GSE1: variants seen among roughly 807,000 people sequenced by gnomAD.
GSE1 encodes the protein Gse1 coiled-coil protein, also known as genetic suppressor element 1.
GSE1 carries 32 observed loss-of-function variants against 112.6 expected under a neutral mutation model. The ratio of observed to expected loss-of-function variants is 0.28; its 90% confidence interval spans 0.21 to 0.38. The LOEUF is 0.38. GSE1 is among the 10% of genes least tolerant of loss of function. The pLI, the probability that GSE1 is intolerant of heterozygous loss-of-function variation, is 1.00. For missense variants in GSE1, 2,348 were observed against 1,699.2 expected (o/e 1.38, Z -6.71); for synonymous variants, 1,115 against 735.6 (o/e 1.52, Z -8.35).
At chr16:85,279,699 C>T (rs925133735) in intron 1 of GSE1, among the ~76,000 whole-genome samples, 29 of 152,188 alleles carry the variant, frequency 1.9e-4, no homozygotes, top group African/African-American at 6.8e-4. Flanking sequence ...GCCCGGCCTG[C>T]TCCATGGGGC....
At chr16:85,579,197 C>G (rs920686012) in intron 1 of GSE1, among the ~76,000 whole-genome samples, 1 of 152,060 alleles carries the variant, frequency 6.6e-6, no homozygotes, top group South Asian at 2.1e-4. Flanking sequence ...CAACGCTGGT[C>G]GGGGTGGAGG....
At chr16:85,492,987 G>C (rs1407259794) in intron 2 of GSE1, among the ~76,000 whole-genome samples, 1 of 152,202 alleles carries the variant, frequency 6.6e-6, no homozygotes, top group African/African-American at 2.4e-5. Context: ...CGGTCTGTGG[G>C]AATGCGCACT....
Position 85,668,286 on chromosome 16 carries a change from C to T in GSE1, c.3277C>T (p.Pro1093Ser), listed in dbSNP as rs2053046409. 6.2e-7 allele frequency: 1 copy of T among 1,612,960 alleles called. No homozygotes were observed. Among genetic ancestry groups the T allele is most frequent in the Non-Finnish European group, 8.5e-7 (1 of 1,179,234 alleles). Residue 1093 changes from proline (P) to serine (S), a missense_variant, in exon 14 of 16, where the codon CCA becomes TCA. Coordinates refer to ENST00000253458, the MANE Select transcript of GSE1 (RefSeq NM_014615.5). ...QEPPTARKGP[P>S]TQELDRDSEE... ...GCCCCCCACTGCAAGGAAGGGCCCCCCAACCCAGGAGTTGGACCGGGACTC... is the reference window on the plus strand; with the variant it reads ...GCCCCCCACTGCAAGGAAGGGCCCCTCAACCCAGGAGTTGGACCGGGACTC...
chr16:85,422,518 G>T (rs1023701114), intron 2 of GSE1, among the ~76,000 whole-genome samples: 15 of 152,182 alleles, frequency 9.9e-5, no homozygotes, highest in African/African-American at 3.6e-4. Flanking sequence ...AGCAGCGTGC[G>T]GGAGTCCCCT....
intron 2 of GSE1, among the ~76,000 whole-genome samples, chr16:85,529,209 C>T (rs769783546): frequency 2.0e-5 from 3 of 152,034 alleles, no homozygotes; most frequent in Non-Finnish European, 4.4e-5. Flanking sequence ...GGTGTCAAGC[C>T]GCCAGGAGGT....
chr16:85,363,385 C>G (rs2047123102), intron 2 of GSE1, among the ~76,000 whole-genome samples: 1 of 152,200 alleles, frequency 6.6e-6, no homozygotes, highest in African/African-American at 2.4e-5. Flanking sequence ...CCCAGAGATC[C>G]CTTGTTCTCA....
At chr16:85,271,202 A>C (rs781087687) in intron 1 of GSE1, among the ~76,000 whole-genome samples, 1 of 152,056 alleles carries the variant, frequency 6.6e-6, no homozygotes, top group South Asian at 2.1e-4. Flanking sequence ...CCACGGAAGC[A>C]TGTCTCTCAC....
intron 2 of GSE1, among the ~76,000 whole-genome samples, chr16:85,512,370 G>A (rs999426251): frequency 9.2e-5 from 14 of 152,154 alleles, no homozygotes; most frequent in African/African-American, 3.4e-4. Flanking sequence ...GTCTTGCAGC[G>A]AGGCCTGGGT....
intron 1 of GSE1, among the ~76,000 whole-genome samples, chr16:85,297,652 A>G (rs1291195070): frequency 6.6e-6 from 1 of 152,066 alleles, no homozygotes; most frequent in Non-Finnish European, 1.5e-5. Flanking sequence ...GGCACATGCC[A>G]CCCAAAGTGC....
chr16:85,353,352 T>C (rs529363360), intron 1 of GSE1, among the ~76,000 whole-genome samples: 2 of 152,354 alleles, frequency 1.3e-5, no homozygotes, highest in South Asian at 2.1e-4. Context: ...TTTTCAGTTC[T>C]GTTGGCTATA....
At chr16:85,198,712 G>A (rs1425765294) in intron 1 of GSE1, among the ~76,000 whole-genome samples, 4 of 151,936 alleles carry the variant, frequency 2.6e-5, no homozygotes, top group African/African-American at 4.8e-5. Context: ...CCCCCACCCC[G>A]ACCCTTTAGC....
chr16:85,603,270 C>T (rs2047545278), intron 1 of GSE1, among the ~76,000 whole-genome samples: 1 of 152,166 alleles, frequency 6.6e-6, no homozygotes, highest in African/African-American at 2.4e-5. Flanking sequence ...GGCACCGTGT[C>T]CGTGGAAGGG....
chr16:85,507,321 C>T (rs549188388), intron 2 of GSE1, among the ~76,000 whole-genome samples: 1 of 152,308 alleles, frequency 6.6e-6, no homozygotes, highest in Admixed American at 6.5e-5. Flanking sequence ...GAGCGGGGGG[C>T]TGTGGTAGGC....
At chr16:85,402,481 G>A (rs12596452) in intron 2 of GSE1, among the ~76,000 whole-genome samples, 4,263 of 152,334 alleles carry the variant, frequency 0.028, 229 homozygotes, top group Admixed American at 0.13. Context: ...GAGTCCCAAA[G>A]CTGAGGCTGG....
At position 85,324,678 on chromosome 16, in the gene GSE1, TGACTGGGCCATAAAAG is replaced by T. The variant is rs573449354; in HGVS notation, c.2284-32782_2284-32767del. 3.3e-5 allele frequency among the ~76,000 whole-genome samples: 5 copies of T among 152,190 alleles called. No individual in the cohort carries two copies. The South Asian group carries it at 8.3e-4, about 25-fold the overall frequency. On this transcript the variant is annotated intron_variant, in intron 1 of 2. Transcript: ENST00000637419. ...TCTGGTCTACCCAGAGAGTGGAGTA[TGACTGGGCCATAAAAG>T]GAACGAACACAGAGGGTGGGTCTGC...
At chr16:85,638,996 G>T (rs2050227626) in intron 2 of GSE1, among the ~76,000 whole-genome samples, 1 of 152,138 alleles carries the variant, frequency 6.6e-6, no homozygotes. Context: ...GGAGTGCCCG[G>T]GCCCCACGCA....
intron 2 of GSE1, among the ~76,000 whole-genome samples, chr16:85,385,709 G>T (rs975051307): frequency 2.0e-5 from 3 of 152,222 alleles, no homozygotes; most frequent in South Asian, 2.1e-4. Context: ...CCCCGCTCTC[G>T]CGAGGCAGCC....
intron 1 of GSE1, among the ~76,000 whole-genome samples, chr16:85,258,718 C>T (rs1207748906): frequency 6.6e-6 from 1 of 152,180 alleles, no homozygotes; most frequent in African/African-American, 2.4e-5. Flanking sequence ...TCAGTGACCG[C>T]CCAGCGGGGT....
upstream of GSE1, among the ~76,000 whole-genome samples, chr16:85,611,169 C>G (rs1051607579): frequency 7.2e-5 from 11 of 152,216 alleles, no homozygotes; most frequent in African/African-American, 2.7e-4. Context: ...AGCTTGTAAT[C>G]CAGGTGGGAA....
Sources: allele counts gnomAD v4.1 joint callset (sites outside exome capture counted in the v4.1 genomes callset), GRCh38; gene constraint gnomAD v4.1.1; transcripts MANE v1.5; gene names NCBI Gene and HGNC (gene_info 2026-07-23, HGNC 2026-07-21).